The following TBX20 variants were observed in gnomAD, a reference collection of about 807,000 sequenced individuals.
TBX20 encodes the protein T-box transcription factor 20, also known as T-box transcription factor TBX20.
In TBX20, 8 loss-of-function variants were observed where a neutral mutation model predicts 42.9. The ratio of observed to expected loss-of-function variants is 0.19; its 90% CI spans 0.11 to 0.34. The LOEUF (loss-of-function observed/expected upper bound fraction) is 0.34. TBX20 is among the 10% of genes least tolerant of loss of function. TBX20 has a pLI of 1.00. For missense variants in TBX20, 411 were observed against 566.0 expected, an observed-to-expected ratio of 0.73 and a Z score of 2.78; for synonymous variants, 198 against 222.8, an observed-to-expected ratio of 0.89 and a Z score of 0.99.
rs1562569203 is a variant in TBX20, at chr7:35,253,511, T to C, written c.110A>G (p.Asn37Ser). The change falls in exon 1 of 8, where the codon AAC becomes AGC. Residue 37 changes from asparagine to serine, a missense_variant. Asn to Ser is a conservative substitution (Grantham distance 46). This residue lies in a region of TBX20 where 114 missense variants were observed against 128.0 expected (regional missense o/e 0.89). Transcript: ENST00000408931. ...GGSKEKEATE[N>S]TIKPLEQFVE... Reference sequence around the variant, plus strand: ...CAACTTACCCAGGGGTTTGATTGTGTTCTCCGTCGCCTCCTTCTCCTTAGA... The same window carrying C: ...CAACTTACCCAGGGGTTTGATTGTGCTCTCCGTCGCCTCCTTCTCCTTAGA... 1.9e-6 allele frequency: 3 copies of C among 1,611,642 alleles called. No homozygotes were observed. Among genetic ancestry groups the C allele is most frequent in the Non-Finnish European group, 1.7e-6 (2 of 1,179,494 alleles).
At chr7:35,219,640 C>T (rs1054238294) in intron 6 of TBX20, among the ~76,000 whole-genome samples, 20 of 152,248 alleles carry the variant, frequency 1.3e-4, no homozygotes, top group African/African-American at 4.8e-4. Context: ...CAGCCTAGAG[C>T]TGTGTTAGAA....
At chr7:35,229,071 A>G (rs185927205) in intron 6 of TBX20, among the ~76,000 whole-genome samples, 9 of 152,344 alleles carry the variant, frequency 5.9e-5, no homozygotes, top group African/African-American at 1.2e-4. Flanking sequence ...AAACAGATCC[A>G]ATCCCAAAGG....
At chr7:35,214,841 G>T (rs1402726384) in intron 6 of TBX20, among the ~76,000 whole-genome samples, 2 of 152,134 alleles carry the variant, frequency 1.3e-5, no homozygotes, top group African/African-American at 4.8e-5. Flanking sequence ...ACATGCAAAA[G>T]AACTTGTTTC....
intron 6 of TBX20, among the ~76,000 whole-genome samples, chr7:35,215,454 T>G (rs1789568388): frequency 6.6e-6 from 1 of 152,186 alleles, no homozygotes; most frequent in Non-Finnish European, 1.5e-5. Context: ...TGAGAATTTC[T>G]AAAATACTGT....
At position 35,213,700 on chromosome 7, in the gene TBX20, A is replaced by G. The variant is rs531930080; in HGVS notation, c.891-9118T>C. On this transcript the variant is annotated intron_variant, in intron 6 of 7. Transcript: ENST00000408931. ...GGCTTTAATGTCACTTATCAAATGC[A>G]TGAATGAATAGATGAGTAGGTGATC... Among the ~76,000 whole-genome samples the G allele has an allele frequency of 4.6e-5, 7 of 152,158 alleles. No homozygotes were observed. The East Asian group carries it at 9.7e-4, about 21-fold the overall frequency.
chr7:35,251,350 G>A (rs1344894911), intron 1 of TBX20, among the ~76,000 whole-genome samples: 1 of 152,064 alleles, frequency 6.6e-6, no homozygotes, highest in Non-Finnish European at 1.5e-5. Flanking sequence ...CTACACATCC[G>A]TACATGAAGA....
At chr7:35,243,454 G>A (rs1207027866) in intron 4 of TBX20, among the ~76,000 whole-genome samples, 1 of 152,026 alleles carries the variant, frequency 6.6e-6, no homozygotes, top group Non-Finnish European at 1.5e-5. Context: ...TTTCAATTAT[G>A]GACAATGGAT....
chr7:35,240,800 T>G, intron 5 of TBX20, 79 bp downstream of exon 5: 1 of 1,342,278 alleles, frequency 7.5e-7, no homozygotes, highest in South Asian at 1.2e-5. Context: ...TACTGGGATA[T>G]CTCTTCTCTC....
At chr7:35,208,103 T>C (rs192898124) in intron 6 of TBX20, among the ~76,000 whole-genome samples, 2 of 152,330 alleles carry the variant, frequency 1.3e-5, no homozygotes, top group Non-Finnish European at 2.9e-5. Context: ...TCTTCTTTAA[T>C]TTCTCTCAAC....
intron 6 of TBX20, among the ~76,000 whole-genome samples, chr7:35,224,804 A>T (rs1789743681): frequency 2.6e-5 from 4 of 152,180 alleles, no homozygotes. Flanking sequence ...TTTACTATAA[A>T]TTCAATTAAT....
In TBX20 at chr7:35,248,765, C is replaced by A. The variant is rs776152314; in HGVS notation, c.457G>T (p.Val153Phe). The change falls in exon 3 of 8, where the codon GTC (valine) becomes TTC (phenylalanine). Residue 153 changes from valine to phenylalanine, a missense_variant. Val to Phe is a conservative substitution (Grantham distance 50). This residue lies in a region of TBX20 where 121 missense variants were observed against 165.9 expected (regional missense o/e 0.73). Transcript: ENST00000408931. ...EAKYIVLMDI[V>F]PVDNKRYRYA... ...CGGTACCTCTTGTTGTCCACAGGGA[C>A]GATGTCCATCAGGACTATGTACTTG... is the stretch of plus-strand genomic sequence containing the variant. The A allele has an allele frequency of 6.2e-7, 1 of 1,614,194 alleles. No individual in the cohort carries two copies. The highest frequency in any genetic ancestry group is 1.7e-5 in the Admixed American group (1 of 60,034).
chr7:35,243,449 A>C (rs917219842), intron 4 of TBX20, among the ~76,000 whole-genome samples: 2 of 152,204 alleles, frequency 1.3e-5, no homozygotes, highest in Non-Finnish European at 2.9e-5. Context: ...AAGCATTTCA[A>C]TTATGGACAA....
chr7:35,242,860 A>AAG (rs1491152343), intron 4 of TBX20, among the ~76,000 whole-genome samples: 1 of 152,240 alleles, frequency 6.6e-6, no homozygotes, highest in Non-Finnish European at 1.5e-5. Flanking sequence ...CTGCATCTAT[A>AAG]AGAGAGGCTT....
intron 6 of TBX20, among the ~76,000 whole-genome samples, chr7:35,218,341 AAAAAC>A (rs1789624447): frequency 2.6e-5 from 4 of 152,136 alleles, no homozygotes; most frequent in African/African-American, 9.7e-5. Context: ...ACTAGTTGCA[AAAAAC>A]CCTGAGTTCT....
intron 5 of TBX20, among the ~76,000 whole-genome samples, chr7:35,240,167 TG>T (rs1292862703): frequency 1.3e-5 from 2 of 152,214 alleles, no homozygotes; most frequent in Admixed American, 6.5e-5. Context: ...TTCTCAGATT[TG>T]GGAATTTTGC....
Position 35,204,510 on chromosome 7 carries a change from T to C in TBX20, c.963A>G (p.Glu321=). The C allele has an allele frequency of 6.2e-7, 1 of 1,614,122 alleles. No individual in the cohort carries two copies. The highest frequency in any genetic ancestry group is 8.5e-7 in the Non-Finnish European group (1 of 1,179,974). Residue 321 remains glutamate (E), a synonymous_variant, in exon 7 of 8, where the codon GAA becomes GAG. Transcript: ENST00000408931. ...RSPIRTYGGE[E]DVLGDESQTT... ...TCTGACTCTCATCCCCCAAGACATC[T>C]TCTTCTCCTCCGTAGGTACGGATGG...
chr7:35,220,923 A>T (rs1789672773), intron 6 of TBX20, among the ~76,000 whole-genome samples: 1 of 152,232 alleles, frequency 6.6e-6, no homozygotes. Flanking sequence ...CAATCTGAGC[A>T]TGTAAAATTA....
chr7:35,244,219 T>C (rs1790137056), intron 4 of TBX20, among the ~76,000 whole-genome samples: 1 of 152,178 alleles, frequency 6.6e-6, no homozygotes, highest in Admixed American at 6.5e-5. Flanking sequence ...TGAAGTAACA[T>C]CCCAGCAATG....
chr7:35,218,398 A>G (rs950288470), intron 6 of TBX20, among the ~76,000 whole-genome samples: 33 of 152,064 alleles, frequency 2.2e-4, no homozygotes, highest in Non-Finnish European at 1.5e-5. Context: ...TGGGCAAGTC[A>G]CTTGAGCTCC....
Sources: allele counts gnomAD v4.1 joint callset (sites outside exome capture counted in the v4.1 genomes callset), GRCh38; gene constraint gnomAD v4.1.1; regional missense constraint gnomAD v4.1.1; transcripts MANE v1.5; gene names NCBI Gene and HGNC (gene_info 2026-07-23, HGNC 2026-07-21).